ANKUB1: variants seen among roughly 807,000 people sequenced by gnomAD.
ANKUB1 encodes the protein protein ANKUB1.
ANKUB1 carries 42 observed loss-of-function variants against 49.3 expected under a neutral mutation model. That is an observed-to-expected ratio of 0.85 (90% confidence interval 0.67 to 1.10). The LOEUF (loss-of-function observed/expected upper bound fraction) is 1.10, where lower values mean the gene tolerates loss of function less well. Ranked by LOEUF, ANKUB1 falls within the 50% of genes least tolerant of loss-of-function variation. ANKUB1 has a pLI of 0.00. For synonymous variants in ANKUB1, 222 were observed against 231.0 expected, an observed-to-expected ratio of 0.96 and a Z score of 0.35; for missense variants, 613 against 642.0, an observed-to-expected ratio of 0.95 and a Z score of 0.49.
intron 5 of ANKUB1, among the ~76,000 whole-genome samples, chr3:149,766,097 A>T (rs977311713): frequency 2.0e-5 from 3 of 152,226 alleles, no homozygotes; most frequent in African/African-American, 4.8e-5. Flanking sequence ...TAAAATTTGC[A>T]TCAAATAATA....
At chr3:149,771,878 G>A (rs1717380144) in intron 3 of ANKUB1, among the ~76,000 whole-genome samples, 9 of 151,796 alleles carry the variant, frequency 5.9e-5, no homozygotes, top group Admixed American at 3.9e-4. Flanking sequence ...ACCAAAGAAG[G>A]GATTGCACTA....
At chr3:149,780,933 C>T (rs1717837982) in intron 2 of ANKUB1, among the ~76,000 whole-genome samples, 3 of 151,228 alleles carry the variant, frequency 2.0e-5, no homozygotes, top group African/African-American at 7.3e-5. Context: ...TTTCATTGTC[C>T]GTATGGTTTG....
At position 149,761,240 on chromosome 3, in the gene ANKUB1, C is replaced by T. The variant is rs1261052544; in HGVS notation, c.*244G>A. ...TGTCTCAGCTCCCCTACCCTGTGGA[C>T]AACTACTATTCTAAGTTTCTTCTGA... On this transcript the variant is annotated 3_prime_UTR_variant, in exon 6 of 6. Coordinates refer to ENST00000446160, the MANE Select transcript of ANKUB1 (RefSeq NM_001144960.3). 1 of 341,828 alleles carries T rather than the reference C, an allele frequency of 2.9e-6. No individual in the cohort carries two copies. The highest frequency in any genetic ancestry group is 4.9e-5 in the East Asian group (1 of 20,600). 21.2% of individuals were successfully genotyped at this position (341,828 alleles called of 1,614,324 possible).
Position 149,767,543 on chromosome 3 carries a change from G to C in ANKUB1, c.1119C>G (p.Ile373Met), listed in dbSNP as rs1280930152. Residue 373 changes from isoleucine to methionine, a missense_variant, in exon 5 of 6, where the codon ATC (isoleucine) becomes ATG (methionine). Ile to Met is a conservative substitution (Grantham distance 10). Coordinates refer to ENST00000446160, the MANE Select transcript of ANKUB1 (RefSeq NM_001144960.3). ...HKAGNSDSQS[I>M]VLKLPSLSKQ... ...TGCTGAGAGATGGTAGCTTGAGCAC[G>C]ATGCTTTGTGAGTCGCTGTTCCCAG... The C allele has an allele frequency of 1.3e-6, 2 of 1,551,622 alleles. No individual in the cohort carries two copies. The highest frequency in any genetic ancestry group is 1.7e-6 in the Non-Finnish European group (2 of 1,146,988).
chr3:149,770,297 C>T (rs1000743268), intron 4 of ANKUB1, among the ~76,000 whole-genome samples: 2 of 152,144 alleles, frequency 1.3e-5, no homozygotes, highest in African/African-American at 4.8e-5. Context: ...TCCCTAACCC[C>T]TGCATTGTTC....
chr3:149,776,556 G>C (rs1005053504), intron 3 of ANKUB1, among the ~76,000 whole-genome samples: 1 of 152,134 alleles, frequency 6.6e-6, no homozygotes, highest in African/African-American at 2.4e-5. Flanking sequence ...TTAAAAAAAA[G>C]TACTCTCTGA....
rs1222919534 is a variant in ANKUB1, at chr3:149,767,526, G to A, written c.1136C>T (p.Ser379Phe). Residue 379 changes from serine to phenylalanine, a missense_variant, in exon 5 of 6, where the codon TCT becomes TTT. Coordinates refer to ENST00000446160, the MANE Select transcript of ANKUB1 (RefSeq NM_001144960.3). ...DSQSIVLKLPSLSKQTASSKP... is the reference protein window; with the variant it reads ...DSQSIVLKLPFLSKQTASSKP... Reference sequence around the variant, plus strand: ...GCTGCTTGCAGTTTGTTTGCTGAGAGATGGTAGCTTGAGCACGATGCTTTG... The same window carrying A: ...GCTGCTTGCAGTTTGTTTGCTGAGAAATGGTAGCTTGAGCACGATGCTTTG... 1.3e-6 allele frequency: 2 copies of A among 1,551,590 alleles called. No individual in the cohort carries two copies. Among genetic ancestry groups the A allele is most frequent in the Non-Finnish European group, 1.7e-6 (2 of 1,147,004 alleles).
chr3:149,768,555 C>A (rs985872548), intron 4 of ANKUB1, among the ~76,000 whole-genome samples: 2 of 148,930 alleles, frequency 1.3e-5, no homozygotes, highest in Non-Finnish European at 3.0e-5. Context: ...TCCATCCCCC[C>A]TCCCCAGACA....
chr3:149,764,606 C>CCCTCCCTCCTCTCCTCCCTTCCTCCCTT (rs1716926570), intron 5 of ANKUB1, among the ~76,000 whole-genome samples: 1 of 37,602 alleles, frequency 2.7e-5, no homozygotes, highest in Non-Finnish European at 5.4e-5. Context: ...CTTCCTCCCT[C>CCCTCCCTCCTCTCCTCCCTTCCTCCCTT]CCTCCCTCCT....
In ANKUB1 at chr3:149,767,154, T is replaced by A. The variant is rs571870840; in HGVS notation, c.1505+3A>T. On this transcript the variant is annotated splice_donor_region_variant and intron_variant, in intron 5 of 5. Transcript: ENST00000446160. ...GTTTGTATGTTTAAGGGGAGAACAT[T>A]ACCTTGCCACAGCTAAGCAGTAGAT... is the stretch of plus-strand genomic sequence containing the variant. 1 of 1,509,616 alleles carries A rather than the reference T, an allele frequency of 6.6e-7. No homozygotes were observed. The highest frequency in any genetic ancestry group is 1.4e-5 in the African/African-American group (1 of 71,046). 93.5% of individuals were successfully genotyped at this position (1,509,616 alleles called of 1,614,324 possible).
chr3:149,790,801 T>C lies in ANKUB1; in HGVS notation c.214A>G (p.Thr72Ala), dbSNP rs1718324473. The C allele has an allele frequency of 7.1e-6, 11 of 1,551,276 alleles. No homozygotes were observed. The highest frequency in any genetic ancestry group is 9.6e-6 in the Non-Finnish European group (11 of 1,146,852). ...LADVGISFCS[T>A]LKCFVKEEDK... ...CATACCTTAACAAAGCATTTGAGAG[T>C]TGAACAGAAAGATATTCCAACATCA... The change falls in exon 2 of 6, where the codon ACT (threonine) becomes GCT (alanine). Residue 72 changes from threonine to alanine, a missense_variant. Physicochemically the swap from Thr to Ala is moderately conservative, Grantham distance 58. Coordinates refer to ENST00000446160, the MANE Select transcript of ANKUB1 (RefSeq NM_001144960.3).
intron 2 of ANKUB1, among the ~76,000 whole-genome samples, chr3:149,789,387 G>A (rs1055332633): frequency 4.6e-5 from 7 of 151,922 alleles, no homozygotes; most frequent in African/African-American, 1.5e-4. Context: ...GATCCTGTAC[G>A]GCACCAAAAA....
intron 3 of ANKUB1, among the ~76,000 whole-genome samples, chr3:149,772,267 C>T (rs555794511): frequency 7.2e-5 from 11 of 152,280 alleles, no homozygotes; most frequent in African/African-American, 1.4e-4. Flanking sequence ...ACGATCCATC[C>T]GCCTTGGCCT....
Position 149,767,320 on chromosome 3 carries a change from G to A in ANKUB1, c.1342C>T (p.Gln448Ter). Residue 448 changes from glutamine (Q) to a stop codon, truncating the protein, a stop_gained, in exon 5 of 6, where the codon CAA becomes TAA. Transcript: ENST00000446160. LOFTEE classifies it high-confidence loss of function. ...CTTGAAACTGGAGGGAGGGGGACTT[G>A]GGGAAGATATGTGTTTTTTATGAGC... is the stretch of plus-strand genomic sequence containing the variant. ...EKLIKNTYLP[Q>*]VPLPPVSRVG... 6.4e-7 allele frequency: 1 copy of A among 1,551,438 alleles called. No homozygotes were observed. Among genetic ancestry groups the A allele is most frequent in the Non-Finnish European group, 8.7e-7 (1 of 1,146,952 alleles).
chr3:149,761,649 T>G (rs1251056534), intron 5 of ANKUB1, 36 bp from the exon 6 acceptor site: 2 of 1,545,638 alleles, frequency 1.3e-6, no homozygotes, highest in Non-Finnish European at 8.7e-7. Flanking sequence ...TAAGGAGGTC[T>G]GATCTTGTCT....
intron 3 of ANKUB1, 45 bp from the exon 4 acceptor site, chr3:149,770,719 G>T: frequency 1.6e-6 from 2 of 1,225,576 alleles, no homozygotes; most frequent in Middle Eastern, 1.9e-4. Flanking sequence ...CCAGCAGTGT[G>T]GTTTGACAAT....
intron 4 of ANKUB1, among the ~76,000 whole-genome samples, chr3:149,769,231 T>C (rs545257012): frequency 4.6e-5 from 7 of 152,216 alleles, no homozygotes; most frequent in Non-Finnish European, 8.8e-5. Context: ...TACAGATTAG[T>C]GCAATTTATG....
rs1189938595 is a variant in ANKUB1, at chr3:149,767,372, A to G, written c.1290T>C (p.Ile430=). ...TTTCTTTTTTCCTAGCTGTGGCAGT[A>G]ATTTTTTTCTGATTTTGTTGTTGAT... is the stretch of plus-strand genomic sequence containing the variant. ...QKHQQQNQKK[I]TATARKKEKL... is the part of the protein sequence containing the mutation. The change falls in exon 5 of 6, where the codon ATT becomes ATC. Residue 430 remains isoleucine, a synonymous_variant. Transcript: ENST00000446160. 4.5e-6 allele frequency: 7 copies of G among 1,550,756 alleles called. No homozygotes were observed. The highest frequency in any genetic ancestry group is 6.1e-6 in the Non-Finnish European group (7 of 1,146,838).
At chr3:149,779,416 C>G (rs951838490) in intron 3 of ANKUB1, 1 of 152,044 alleles carries the variant, frequency 6.6e-6, no homozygotes, top group South Asian at 2.1e-4. Context: ...GTGATCCCCC[C>G]TCTCTTGGCC....
Sources: allele counts gnomAD v4.1 joint callset (sites outside exome capture counted in the v4.1 genomes callset), GRCh38; gene constraint gnomAD v4.1.1; transcripts MANE v1.5; gene names NCBI Gene and HGNC (gene_info 2026-07-23, HGNC 2026-07-21).